The following SPRED3 variants were observed in gnomAD, a reference collection of about 807,000 sequenced individuals.
SPRED3 encodes sprouty related EVH1 domain containing 3.
A neutral mutation model predicts 37.6 loss-of-function variants in SPRED3; 23 were observed. That is an observed-to-expected ratio of 0.61 (90% CI 0.44 to 0.87). The LOEUF (loss-of-function observed/expected upper bound fraction) is 0.87. Among genes scored for constraint, SPRED3 ranks in the 40% least tolerant of loss-of-function variants. The pLI is 0.00. For missense variants in SPRED3, 584 were observed against 618.6 expected (o/e 0.94, Z 0.59); for synonymous variants, 302 against 279.6 (o/e 1.08, Z -0.80).
chr19:38,391,058 GT>G (rs796409726), intron 2 of SPRED3, among the ~76,000 whole-genome samples: 9 of 148,338 alleles, frequency 6.1e-5, no homozygotes, highest in Admixed American at 1.3e-4. Flanking sequence ...TGGGGGAAAG[GT>G]TTTTTTTTTG....
At chr19:38,394,586 G>A in intron 4 of SPRED3, 57 bp from the exon 5 acceptor site, 1 of 1,555,442 alleles carries the variant, frequency 6.4e-7, no homozygotes, top group Non-Finnish European at 8.7e-7. Flanking sequence ...GGGTCTATGT[G>A]AGGGCATCGG....
chr19:38,391,930 T>A lies in SPRED3; in HGVS notation c.178-16T>A, dbSNP rs769361569. ...TGGGTTGGGGTATCTGACCCTGCTT[T>A]CCTTCTGCCCCTCAGACAACCTTGG... On this transcript the variant is annotated splice_polypyrimidine_tract_variant and intron_variant, in intron 2 of 5. Transcript: ENST00000691638. The A allele has an allele frequency of 6.2e-7, 1 of 1,612,750 alleles. No homozygotes were observed. The highest frequency in any genetic ancestry group is 8.5e-7 in the Non-Finnish European group (1 of 1,179,096).
rs1191314432 is a variant in SPRED3, at chr19:38,395,734, A to AC, written c.828dup (p.Gly277ArgfsTer143). 1 of 1,424,076 alleles carries AC rather than the reference A, an allele frequency of 7.0e-7. No homozygotes were observed. The highest frequency in any genetic ancestry group is 3.1e-5 in the Admixed American group (1 of 32,230). 88.2% of individuals were successfully genotyped at this position (1,424,076 alleles called of 1,614,324 possible). ...CGCCCCCAGCGCCCCCCGCTCGCCC[A>AC]CCCCCCGGCCCGGGCCCATCCTCTG... On this transcript the variant is annotated frameshift_variant, in exon 6 of 6. Coordinates refer to ENST00000691638, the MANE Select transcript of SPRED3 (RefSeq NM_001394336.1). LOFTEE classifies it high-confidence loss of function. This position sits in a 1 kb window ranked among gnomAD's most constrained non-coding sequence, Gnocchi z 5.2.
chr19:38,394,535 C>CA (rs1276817363), intron 4 of SPRED3, 108 bp from the exon 5 acceptor site: 1 of 1,564,878 alleles, frequency 6.4e-7, no homozygotes, highest in African/African-American at 1.4e-5. Context: ...GGTTTGAACC[C>CA]AGGCCTTCCT....
chr19:38,395,454 G>A lies in SPRED3; in HGVS notation c.568-26G>A. 1 of 1,415,724 alleles carries A rather than the reference G, an allele frequency of 7.1e-7. No homozygotes were observed. 87.7% of individuals were successfully genotyped at this position (1,415,724 alleles called of 1,614,324 possible). On this transcript the variant is annotated intron_variant, in intron 5 of 5. Coordinates refer to ENST00000691638, the MANE Select transcript of SPRED3 (RefSeq NM_001394336.1). The surrounding 1 kb of genome is among the most constrained non-coding windows in gnomAD (Gnocchi z 5.2). ...TGAGGCTAAGACTGGGATGGATTCTGATCTGTTTGTCCCTTCGTTCCGCAG... is the reference window on the plus strand; with the variant it reads ...TGAGGCTAAGACTGGGATGGATTCTAATCTGTTTGTCCCTTCGTTCCGCAG...
At chr19:38,392,377 G>C in intron 4 of SPRED3, 89 bp downstream of exon 4, 1 of 1,370,408 alleles carries the variant, frequency 7.3e-7, no homozygotes, top group Non-Finnish European at 9.6e-7. Flanking sequence ...TGTGTAGCAG[G>C]CACCATGCCA....
rs1970887188 is a variant in SPRED3, at chr19:38,395,711, C to A, written c.799C>A (p.Pro267Thr). 1.4e-6 allele frequency: 2 copies of A among 1,454,410 alleles called. No individual in the cohort carries two copies. The highest frequency in any genetic ancestry group is 1.5e-5 in the African/African-American group (1 of 67,292). The allele number at this position is 1,454,410 out of a possible 1,614,324, so 90.1% of individuals were successfully genotyped here. ...ACCTGCCCCTTTGACCGAGGCTGCGCCCCCAGCGCCCCCCGCTCGCCCACC... is the reference window on the plus strand; with the variant it reads ...ACCTGCCCCTTTGACCGAGGCTGCGACCCCAGCGCCCCCCGCTCGCCCACC... Reference protein sequence around the residue: ...ALPAPLTEAAPPAPPARPPPG... With the variant: ...ALPAPLTEAATPAPPARPPPG... Residue 267 changes from proline to threonine, a missense_variant, in exon 6 of 6, where the codon CCC becomes ACC. Physicochemically the swap from Pro to Thr is conservative, Grantham distance 38. Coordinates refer to ENST00000691638, the MANE Select transcript of SPRED3 (RefSeq NM_001394336.1). The surrounding 1 kb of genome is among the most constrained non-coding windows in gnomAD (Gnocchi z 5.2).
chr19:38,388,882 CT>C, intron 1 of SPRED3, 75 bp downstream of exon 1: 1 of 395,372 alleles, frequency 2.5e-6, no homozygotes, highest in Non-Finnish European at 4.5e-6. Flanking sequence ...CGTGACCGCG[CT>C]GCGCCTTCTG....
At chr19:38,394,254 G>A in intron 4 of SPRED3, 1 of 1,374,684 alleles carries the variant, frequency 7.3e-7, no homozygotes, top group South Asian at 1.2e-5. Flanking sequence ...GGCTGCCCAG[G>A]GGAGAGGGAT....
Position 38,396,216 on chromosome 19 carries a change from C to G in SPRED3, c.*71C>G. 1.8e-6 allele frequency: 2 copies of G among 1,141,434 alleles called. No homozygotes were observed. The highest frequency in any genetic ancestry group is 2.2e-6 in the Non-Finnish European group (2 of 911,146). 70.7% of individuals were successfully genotyped at this position (1,141,434 alleles called of 1,614,324 possible). On this transcript the variant is annotated 3_prime_UTR_variant, in exon 6 of 6. Coordinates refer to ENST00000691638, the MANE Select transcript of SPRED3 (RefSeq NM_001394336.1). ...AGGGTCCAGGACCCCGGACTCCGTTCGGACCTAAAACCCAAACCTAGGCAC... is the reference window on the plus strand; with the variant it reads ...AGGGTCCAGGACCCCGGACTCCGTTGGGACCTAAAACCCAAACCTAGGCAC...
chr19:38,393,995 C>A (rs1377082839), intron 4 of SPRED3, among the ~76,000 whole-genome samples: 2 of 152,232 alleles, frequency 1.3e-5, no homozygotes, highest in East Asian at 3.8e-4. Context: ...TGTCCAGGCC[C>A]CCTCTGGAAT....
At chr19:38,388,927 G>A (rs1051992162) in intron 1 of SPRED3, 120 bp downstream of exon 1, 102 of 393,874 alleles carry the variant, frequency 2.6e-4, no homozygotes, top group Non-Finnish European at 1.8e-5. Context: ...CCGGCTAGGA[G>A]GACTAGAGAG....
rs1970814989 is a variant in SPRED3 at position 38,390,445 on chromosome 19, A to G, written c.143A>G (p.Tyr48Cys). ...GAGGGGGGGGCCCGCCAGGGGCACTACGTCATCCACGGGGAACGCCTCCGG... is the reference window on the plus strand; with the variant it reads ...GAGGGGGGGGCCCGCCAGGGGCACTGCGTCATCCACGGGGAACGCCTCCGG... Reference protein sequence around the residue: ...RPEGGARQGHYVIHGERLRDQ... With the variant: ...RPEGGARQGHCVIHGERLRDQ... The change falls in exon 2 of 6, where the codon TAC becomes TGC. Residue 48 changes from tyrosine to cysteine, a missense_variant. By Grantham distance (194) the Tyr-to-Cys change is radical. Coordinates refer to ENST00000691638, the MANE Select transcript of SPRED3 (RefSeq NM_001394336.1). The G allele has an allele frequency of 1.4e-6, 2 of 1,398,048 alleles. No homozygotes were observed. Among genetic ancestry groups the G allele is most frequent in the East Asian group, 2.9e-5 (1 of 34,580 alleles). The allele number at this position is 1,398,048 out of a possible 1,614,324, so 86.6% of individuals were successfully genotyped here.
chr19:38,391,005 C>T (rs988679956), intron 2 of SPRED3, among the ~76,000 whole-genome samples: 10 of 151,740 alleles, frequency 6.6e-5, no homozygotes, highest in African/African-American at 2.4e-4. Context: ...GAATCAGTTT[C>T]AGCTAGGGAT....
chr19:38,396,245 C>A lies in SPRED3; in HGVS notation c.*100C>A. ...CCTAAAACCCAAACCTAGGCACATC[C>A]GGAACTTGGAGCTTGAGTTTGGATT... On this transcript the variant is annotated 3_prime_UTR_variant, in exon 6 of 6. Transcript: ENST00000691638. The A allele has an allele frequency of 1.1e-6, 1 of 886,144 alleles. No individual in the cohort carries two copies. The highest frequency in any genetic ancestry group is 1.5e-6 in the Non-Finnish European group (1 of 682,496). The allele number at this position is 886,144 out of a possible 1,614,324, so 54.9% of individuals were successfully genotyped here.
Position 38,397,392 on chromosome 19 carries a change from G to T in SPRED3, c.*1247G>T, listed in dbSNP as rs1282593190. 1 of 152,250 alleles carries T rather than the reference G, an allele frequency of 6.6e-6. No homozygotes were observed. The highest frequency in any genetic ancestry group is 1.5e-5 in the Non-Finnish European group (1 of 68,164). The allele number at this position is 152,250 out of a possible 1,614,324, so 9.4% of individuals were successfully genotyped here. On this transcript the variant is annotated 3_prime_UTR_variant, in exon 6 of 6. Coordinates refer to ENST00000691638, the MANE Select transcript of SPRED3 (RefSeq NM_001394336.1). ...GGAGCACTGGATCCAATACCCCAAA[G>T]GTGCCACTGACCCCCAAATGCAAGG...
Position 38,388,776 on chromosome 19 carries a change from C to T in SPRED3, c.-36C>T. 3 of 398,236 alleles carry T rather than the reference C, an allele frequency of 7.5e-6. No individual in the cohort carries two copies. The highest frequency in any genetic ancestry group is 4.4e-6 in the Non-Finnish European group (1 of 225,850). 24.7% of individuals were successfully genotyped at this position (398,236 alleles called of 1,614,324 possible). A position where few individuals can be genotyped will look rare whatever the true frequency, so the allele number is the denominator to read the frequency against. Reference sequence around the variant, plus strand: ...AAAGGAGGAGGAGGAGGCCGCGTCGCCGCCGCTCGGAGCCCGGCCGGAGCC... The same window carrying T: ...AAAGGAGGAGGAGGAGGCCGCGTCGTCGCCGCTCGGAGCCCGGCCGGAGCC... On this transcript the variant is annotated 5_prime_UTR_variant, in exon 1 of 6. Coordinates refer to ENST00000691638, the MANE Select transcript of SPRED3 (RefSeq NM_001394336.1).
rs1360550580 is a variant in SPRED3 at position 38,395,784 on chromosome 19, C to T, written c.872C>T (p.Ala291Val). 4.8e-6 allele frequency: 7 copies of T among 1,462,238 alleles called. No individual in the cohort carries two copies. Among genetic ancestry groups the T allele is most frequent in the Non-Finnish European group, 1.8e-6 (2 of 1,115,436 alleles). The allele number at this position is 1,462,238 out of a possible 1,614,324, so 90.6% of individuals were successfully genotyped here. A position where few individuals can be genotyped will look rare whatever the true frequency, so the allele number is the denominator to read the frequency against. Residue 291 changes from alanine to valine, a missense_variant, in exon 6 of 6, where the codon GCG becomes GTG. Coordinates refer to ENST00000691638, the MANE Select transcript of SPRED3 (RefSeq NM_001394336.1). This position sits in a 1 kb window ranked among gnomAD's most constrained non-coding sequence, Gnocchi z 5.2. ...GCGCCTGCCAAGGCCTCCCCGGAAG[C>T]GGAGGAGGCAGCGCGCTGCGTGCAT... The part of the protein sequence containing the change: ...SSAPAKASPE[A>V]EEAARCVHCR...
intron 2 of SPRED3, among the ~76,000 whole-genome samples, chr19:38,390,766 C>A (rs1479606634): frequency 3.2e-5 from 3 of 92,532 alleles, no homozygotes; most frequent in African/African-American, 4.2e-5. Context: ...GGGGCACTGC[C>A]CCCCCCCCCC....
Sources: gnomAD v4.1 joint callset for allele counts (sites outside exome capture counted in the v4.1 genomes callset) on GRCh38, gnomAD v4.1.1 for gene constraint, Gnocchi (gnomAD v3.1) non-coding constraint, MANE v1.5 for transcripts, NCBI Gene and HGNC (gene_info 2026-07-23, HGNC 2026-07-21) for gene names.